ACOT11: variants seen among roughly 807,000 people sequenced by gnomAD.
ACOT11 encodes acyl-coenzyme A thioesterase 11.
A neutral mutation model predicts 77.5 loss-of-function variants in ACOT11; 69 were observed. That is an observed-to-expected ratio of 0.89 (90% CI 0.73 to 1.09). The LOEUF is 1.09. Ranked by LOEUF, ACOT11 falls within the 50% of genes least tolerant of loss-of-function variation. The pLI is 0.00. For synonymous variants in ACOT11, 279 were observed against 313.0 expected, an observed-to-expected ratio of 0.89 and a Z score of 1.15; for missense variants, 766 against 813.7, an observed-to-expected ratio of 0.94 and a Z score of 0.71.
chr1:54,592,990 G>C (rs1654765835), intron 4 of ACOT11, among the ~76,000 whole-genome samples: 1 of 152,180 alleles, frequency 6.6e-6, no homozygotes, highest in Non-Finnish European at 1.5e-5. Context: ...AGAGTGCTGG[G>C]TTTCCAGCCC....
chr1:54,632,494 G>C lies in ACOT11; in HGVS notation c.1782+1608G>C, dbSNP rs144103858. Reference sequence around the variant, plus strand: ...ACAGGAGTCATTGATTCAGATTACAGTGGGGAAATCCAAATTGTTACATCT... The same window carrying C: ...ACAGGAGTCATTGATTCAGATTACACTGGGGAAATCCAAATTGTTACATCT... On this transcript the variant is annotated intron_variant, in intron 16 of 16. Transcript: ENST00000371316. Among the ~76,000 whole-genome samples the C allele has an allele frequency of 7.5e-4, 115 of 152,344 alleles. 1 individual carries two copies. Among genetic ancestry groups the C allele is most frequent in the Middle Eastern group, 3.4e-3 (1 of 294 alleles).
At chr1:54,611,565 A>C (rs777122401), downstream of ACOT11, 23 of 1,607,786 alleles carry the variant, frequency 1.4e-5, no homozygotes, top group East Asian at 4.9e-4. Context: ...TGCTCCATGC[A>C]GAATCCAGCC....
intron 15 of ACOT11, among the ~76,000 whole-genome samples, chr1:54,622,737 T>C (rs1644241908): frequency 1.3e-5 from 2 of 151,426 alleles, no homozygotes; most frequent in Admixed American, 6.6e-5. Context: ...GAAAACTCCG[T>C]CTCAAAAAAA....
chr1:54,623,230 C>T (rs202057124), intron 15 of ACOT11: 31 of 1,252,810 alleles, frequency 2.5e-5, no homozygotes, highest in African/African-American at 7.4e-5. Context: ...GGATAAGGAG[C>T]GAGCGATGAG....
downstream of ACOT11, among the ~76,000 whole-genome samples, chr1:54,615,033 G>A (rs1356642494): frequency 6.6e-6 from 1 of 151,992 alleles, no homozygotes; most frequent in African/African-American, 2.4e-5. Context: ...AAGGCCTTTC[G>A]AAGAGACAGA....
chr1:54,625,431 C>T lies in ACOT11; in HGVS notation c.1630-5303C>T, dbSNP rs79606378. On this transcript the variant is annotated intron_variant, in intron 15 of 16. Coordinates refer to the ACOT11 transcript ENST00000371316. Reference sequence around the variant, plus strand: ...ATTGGGGCTGCTCTCTCAGGCCACCCACTCCGGACTCCAGGATCCAAATGC... The same window carrying T: ...ATTGGGGCTGCTCTCTCAGGCCACCTACTCCGGACTCCAGGATCCAAATGC... Among the ~76,000 whole-genome samples the T allele has an allele frequency of 5.3e-3, 813 of 152,226 alleles. 8 individuals are homozygous for T. The highest frequency in any genetic ancestry group is 0.019 in the African/African-American group (778 of 41,548).
chr1:54,590,211 A>T (rs1452155559), intron 3 of ACOT11, among the ~76,000 whole-genome samples: 1 of 152,108 alleles, frequency 6.6e-6, no homozygotes, highest in Non-Finnish European at 1.5e-5. Flanking sequence ...TGTGCCCTCT[A>T]GAGTCCTTCA....
exon 17 of ACOT11, chr1:54,635,366 C>A: frequency 3.5e-6 from 1 of 289,276 alleles, no homozygotes; most frequent in Non-Finnish European, 6.5e-6. Flanking sequence ...TTCCTATTAT[C>A]TGGAACCATG....
chr1:54,555,733 ATTTTTAT>A (rs149422187), intron 1 of ACOT11, among the ~76,000 whole-genome samples: 24,993 of 151,332 alleles, frequency 0.17, 2,424 homozygotes, highest in Non-Finnish European at 0.23. Context: ...TCTTTAACTC[ATTTTTAT>A]TTTTTATTTT....
downstream of ACOT11, chr1:54,610,534 A>T (rs376242637): frequency 6.8e-6 from 11 of 1,612,616 alleles, no homozygotes; most frequent in Non-Finnish European, 8.5e-6. Context: ...CGTGTAGTAC[A>T]TTGGTTTCCG....
chr1:54,634,571 A>G, intron 16 of ACOT11: 1 of 587,426 alleles, frequency 1.7e-6, no homozygotes, highest in African/African-American at 1.9e-5. Context: ...TAGGGATTAC[A>G]GAACAGCCCA....
At chr1:54,574,133 G>A (rs984026101) in intron 1 of ACOT11, among the ~76,000 whole-genome samples, 1 of 152,162 alleles carries the variant, frequency 6.6e-6, no homozygotes, top group Non-Finnish European at 1.5e-5. Flanking sequence ...CACCACTTTC[G>A]GTTTTATAAA....
intron 15 of ACOT11, among the ~76,000 whole-genome samples, chr1:54,608,622 T>A (rs1644063555): frequency 6.6e-6 from 1 of 152,052 alleles, no homozygotes; most frequent in Non-Finnish European, 1.5e-5. Context: ...GTCTAATGTG[T>A]CTCTATGGCC....
At chr1:54,562,564 C>T (rs1399529854) in intron 1 of ACOT11, among the ~76,000 whole-genome samples, 1 of 147,888 alleles carries the variant, frequency 6.8e-6, no homozygotes, top group Admixed American at 6.6e-5. Context: ...CCACCTCCCT[C>T]CCGGACGGGG....
At chr1:54,631,826 T>G (rs1644301456) in intron 16 of ACOT11, among the ~76,000 whole-genome samples, 1 of 152,210 alleles carries the variant, frequency 6.6e-6, no homozygotes, top group South Asian at 2.1e-4. Context: ...GATACAGTGT[T>G]GCAGTTATTA....
intron 7 of ACOT11, 129 bp from the exon 8 acceptor site, chr1:54,599,167 A>G: frequency 2.1e-5 from 1 of 47,104 alleles, no homozygotes; most frequent in Non-Finnish European, 3.7e-5. Context: ...AAAAAAAAAA[A>G]AAAAAAAAAA....
intron 8 of ACOT11, among the ~76,000 whole-genome samples, chr1:54,599,930 G>A (rs1643943306): frequency 6.6e-6 from 1 of 152,238 alleles, no homozygotes; most frequent in Non-Finnish European, 1.5e-5. Flanking sequence ...TATTAAAAGT[G>A]AGGGATCAGG....
At chr1:54,624,532 CCAAAG>C (rs1261723023) in intron 15 of ACOT11, among the ~76,000 whole-genome samples, 5 of 152,142 alleles carry the variant, frequency 3.3e-5, no homozygotes, top group Admixed American at 2.0e-4. Flanking sequence ...CATTTTCTGG[CCAAAG>C]CAAAGAGAGA....
intron 1 of ACOT11, among the ~76,000 whole-genome samples, chr1:54,565,782 C>G (rs1464494228): frequency 6.6e-6 from 1 of 152,194 alleles, no homozygotes. Context: ...GGATCTGTCC[C>G]AGGACCAGAT....
Sources: allele counts gnomAD v4.1 joint callset (sites outside exome capture counted in the v4.1 genomes callset), GRCh38; gene constraint gnomAD v4.1.1; transcripts MANE v1.5; gene names NCBI Gene and HGNC (gene_info 2026-07-23, HGNC 2026-07-21).